CLU: variants seen among roughly 807,000 people sequenced by gnomAD.
The protein encoded by CLU is aging-associated protein 4.
A neutral mutation model predicts 46.4 loss-of-function variants in CLU; 25 were observed. The observed-to-expected ratio is 0.54, with a 90% CI of 0.39 to 0.75. CLU has a LOEUF of 0.75. CLU is among the 30% of genes least tolerant of loss of function. CLU has a pLI of 0.00. For synonymous variants in CLU, 235 were observed against 235.1 expected (o/e 1.00, Z 0.00); for missense variants, 504 against 592.1 (o/e 0.85, Z 1.54).
At chr8:27,611,689 T>C (rs534891213) in intron 1 of CLU, 167 of 457,846 alleles carry the variant, frequency 3.6e-4, no homozygotes, top group Admixed American at 3.5e-3. Flanking sequence ...AGCAGGCCCA[T>C]CTGGACACTC....
intron 6 of CLU, among the ~76,000 whole-genome samples, chr8:27,600,256 A>G (rs1387161090): frequency 6.6e-6 from 1 of 152,038 alleles, no homozygotes; most frequent in Non-Finnish European, 1.5e-5. Flanking sequence ...TTTTTTTGAG[A>G]CAGAGTTTTG....
chr8:27,607,306 C>T (rs1239750792), intron 3 of CLU, among the ~76,000 whole-genome samples: 1 of 151,864 alleles, frequency 6.6e-6, no homozygotes, highest in Non-Finnish European at 1.5e-5. Flanking sequence ...CACTGCACTC[C>T]AGCCTGGGTG....
chr8:27,611,250 G>T (rs931748193), intron 1 of CLU: 21 of 454,210 alleles, frequency 4.6e-5, no homozygotes, highest in African/African-American at 3.8e-4. Flanking sequence ...TGTGCATTCA[G>T]GGGTGGAAGT....
At chr8:27,601,093 G>A (rs916892602) in intron 6 of CLU, among the ~76,000 whole-genome samples, 2 of 152,130 alleles carry the variant, frequency 1.3e-5, no homozygotes, top group African/African-American at 4.8e-5. Context: ...TTGTTTCCCA[G>A]GCTGGAGTGC....
chr8:27,598,130 C>T lies in CLU; in HGVS notation c.*111G>A, dbSNP rs1026128877. The T allele has an allele frequency of 8.2e-6, 9 of 1,102,678 alleles. No individual in the cohort carries two copies. The highest frequency in any genetic ancestry group is 1.2e-5 in the Non-Finnish European group (9 of 728,242). 68.3% of individuals were successfully genotyped at this position (1,102,678 alleles called of 1,614,324 possible). A position where few individuals can be genotyped will look rare whatever the true frequency, so the allele number is the denominator to read the frequency against. ...CTGGGCGGAGTTGGGGGCCTGGAGG[C>T]TGGGGCCTGGTTACTTGGTGACGTG... On this transcript the variant is annotated 3_prime_UTR_variant, in exon 9 of 9. Transcript: ENST00000316403.
chr8:27,601,765 A>G (rs961724526), intron 6 of CLU, among the ~76,000 whole-genome samples: 1 of 152,210 alleles, frequency 6.6e-6, no homozygotes, highest in Non-Finnish European at 1.5e-5. Context: ...GAAAATAAAT[A>G]TGTAATAAAT....
At chr8:27,598,862 A>C (rs1800665494) in intron 7 of CLU, 1 of 582,028 alleles carries the variant, frequency 1.7e-6, no homozygotes, top group Non-Finnish European at 3.1e-6. Flanking sequence ...TCTGCAAATG[A>C]CCAGCCCAGG....
At chr8:27,604,421 T>G (rs1167741691) in intron 5 of CLU, 26 bp from the exon 6 acceptor site, 29 of 1,579,034 alleles carry the variant, frequency 1.8e-5, no homozygotes, top group Non-Finnish European at 2.5e-5. Flanking sequence ...GGAAGAAGAG[T>G]CAGTCATCCA....
intron 2 of CLU, among the ~76,000 whole-genome samples, chr8:27,609,859 C>T (rs907149069): frequency 2.6e-5 from 4 of 152,124 alleles, no homozygotes; most frequent in Non-Finnish European, 5.9e-5. Flanking sequence ...GTCTTCCCAC[C>T]GTCCCACCAT....
chr8:27,607,414 T>A (rs1286605436), intron 3 of CLU, among the ~76,000 whole-genome samples: 1 of 151,454 alleles, frequency 6.6e-6, no homozygotes, highest in Admixed American at 6.6e-5. Context: ...AAAAAGATAC[T>A]TAAAAATATT....
At chr8:27,608,876 AC>A (rs1180735833) in intron 3 of CLU, 61 bp downstream of exon 3, 6 of 1,592,546 alleles carry the variant, frequency 3.8e-6, no homozygotes, top group Non-Finnish European at 3.4e-6. Flanking sequence ...CCGCGCAGTG[AC>A]CCCCTCCCTC....
chr8:27,604,803 G>A lies in CLU; in HGVS notation c.829+121C>T, dbSNP rs1040361463. 1.5e-5 allele frequency: 18 copies of A among 1,182,026 alleles called. No homozygotes were observed. In the African/African-American group the frequency reaches 2.4e-4, roughly 16 times the overall value. 73.2% of individuals were successfully genotyped at this position (1,182,026 alleles called of 1,614,324 possible). A position where few individuals can be genotyped will look rare whatever the true frequency, so the allele number is the denominator to read the frequency against. ...TCAGTTTTTTTCCTCTTTAAATAAG[G>A]ATAATATCACCCTTGTGATATTGCT... On this transcript the variant is annotated intron_variant, in intron 5 of 8. Coordinates refer to ENST00000316403, the MANE Select transcript of CLU (RefSeq NM_001831.4).
At chr8:27,610,740 A>G in intron 1 of CLU, 140 bp from the exon 2 acceptor site, 1 of 671,182 alleles carries the variant, frequency 1.5e-6, no homozygotes, top group Non-Finnish European at 2.7e-6. Flanking sequence ...TTTATTCCTG[A>G]GGAAATGGGG....
chr8:27,605,029 C>A lies in CLU; in HGVS notation c.724G>T (p.Ala242Ser), dbSNP rs1453053925. The A allele has an allele frequency of 1.2e-6, 2 of 1,613,864 alleles. No individual in the cohort carries two copies. Among genetic ancestry groups the A allele is most frequent in the African/African-American group, 1.3e-5 (1 of 74,840 alleles). The change falls in exon 5 of 9, where the codon GCC becomes TCC. Residue 242 changes from alanine (A) to serine (S), a missense_variant. Coordinates refer to ENST00000316403, the MANE Select transcript of CLU (RefSeq NM_001831.4). ...ATCTCAAGGAAGGGCTGGAACATGGCGTGGAAGTTCAGGGGCTCGTACGGA... is the reference window on the plus strand; with the variant it reads ...ATCTCAAGGAAGGGCTGGAACATGGAGTGGAAGTTCAGGGGCTCGTACGGA... ...FSPYEPLNFHAMFQPFLEMIH... is the reference protein window; with the variant it reads ...FSPYEPLNFHSMFQPFLEMIH...
intron 6 of CLU, among the ~76,000 whole-genome samples, chr8:27,603,822 T>C (rs1399398863): frequency 2.0e-5 from 3 of 152,160 alleles, no homozygotes; most frequent in Non-Finnish European, 4.4e-5. Flanking sequence ...CAGAGGGTCA[T>C]TCTGAGGAAA....
rs370191417 is a variant in CLU, at chr8:27,606,337, A to C, written c.417+17T>G. ...TCCCCACTCAGAGCCTTGGCCACTCATGTGTCCCCTTTTCACCTGGCGGCC... is the reference window on the plus strand; with the variant it reads ...TCCCCACTCAGAGCCTTGGCCACTCCTGTGTCCCCTTTTCACCTGGCGGCC... On this transcript the variant is annotated intron_variant, in intron 4 of 8. Transcript: ENST00000316403. 137 of 1,613,418 alleles carry C rather than the reference A, an allele frequency of 8.5e-5. No individual in the cohort carries two copies. The African/African-American group carries it at 1.6e-3, about 19-fold the overall frequency.
At chr8:27,612,245 T>C (rs1487493448) in intron 1 of CLU, among the ~76,000 whole-genome samples, 1 of 152,180 alleles carries the variant, frequency 6.6e-6, no homozygotes, top group Non-Finnish European at 1.5e-5. Context: ...ATGCTCATGG[T>C]AACCCTGGGA....
At chr8:27,601,933 A>C (rs894332367) in intron 6 of CLU, among the ~76,000 whole-genome samples, 14 of 152,108 alleles carry the variant, frequency 9.2e-5, no homozygotes, top group African/African-American at 3.1e-4. Context: ...TCTACTAAAA[A>C]TATAAAAATT....
intron 7 of CLU, 143 bp from the exon 8 acceptor site, chr8:27,598,778 A>AT (rs1800663451): frequency 1.3e-6 from 1 of 762,544 alleles, no homozygotes; most frequent in South Asian, 1.5e-5. Context: ...CTTCTTATAC[A>AT]TCTAGACGTA....
Sources: gnomAD v4.1 joint callset for allele counts (sites outside exome capture counted in the v4.1 genomes callset) on GRCh38, gnomAD v4.1.1 for gene constraint, MANE v1.5 for transcripts, NCBI Gene and HGNC (gene_info 2026-07-23, HGNC 2026-07-21) for gene names.